The following MAPK10 variants were observed in gnomAD, a reference collection of about 807,000 sequenced individuals.
MAPK10 encodes the protein JNK3 alpha protein kinase.
A neutral mutation model predicts 59.3 loss-of-function variants in MAPK10; 25 were observed. The observed-to-expected ratio is 0.42, with a 90% CI of 0.31 to 0.59. The LOEUF (loss-of-function observed/expected upper bound fraction) is 0.59. Among genes scored for constraint, MAPK10 ranks in the 20% least tolerant of loss-of-function variants. The probability of loss-of-function intolerance (pLI) is 0.15; values close to 1 mark genes in which losing one functional copy is unlikely to be tolerated. For missense variants in MAPK10, 351 were observed against 568.9 expected (o/e 0.62, Z 3.90); for synonymous variants, 190 against 200.5 (o/e 0.95, Z 0.44).
intron 2 of MAPK10, among the ~76,000 whole-genome samples, chr4:86,244,620 T>C (rs1205469720): frequency 6.6e-6 from 1 of 152,134 alleles, no homozygotes; most frequent in African/African-American, 2.4e-5. Context: ...CAGGCTCCTG[T>C]AGGAATTGTA....
At chr4:86,087,107 G>A (rs1309719402) in intron 9 of MAPK10, among the ~76,000 whole-genome samples, 2 of 152,088 alleles carry the variant, frequency 1.3e-5, no homozygotes, top group African/African-American at 4.8e-5. Context: ...GTTAAAAAAT[G>A]ACACACGAGC....
At chr4:86,206,768 G>C (rs543771763) in intron 2 of MAPK10, among the ~76,000 whole-genome samples, 16 of 152,208 alleles carry the variant, frequency 1.1e-4, no homozygotes, top group African/African-American at 3.6e-4. Context: ...TCTCATTGTG[G>C]TTTTGATTTA....
intron 2 of MAPK10, among the ~76,000 whole-genome samples, chr4:86,228,525 T>TA (rs1172032676): frequency 3.9e-5 from 6 of 152,232 alleles, no homozygotes; most frequent in Admixed American, 3.9e-4. Context: ...TCAGTTAAGT[T>TA]ACAAATTCAT....
intron 2 of MAPK10, among the ~76,000 whole-genome samples, chr4:86,343,386 T>C (rs1726194336): frequency 6.6e-6 from 1 of 152,164 alleles, no homozygotes; most frequent in South Asian, 2.1e-4. Flanking sequence ...TGACAGGTAA[T>C]GGGTGAAAAT....
chr4:86,435,560 A>T (rs563939596), intron 1 of MAPK10, among the ~76,000 whole-genome samples: 1 of 152,188 alleles, frequency 6.6e-6, no homozygotes, highest in Non-Finnish European at 1.5e-5. Flanking sequence ...AAAAAGAATA[A>T]TTTTTTTAAA....
intron 1 of MAPK10, among the ~76,000 whole-genome samples, chr4:86,579,354 T>C (rs1388294955): frequency 6.6e-6 from 1 of 152,166 alleles, no homozygotes; most frequent in Non-Finnish European, 1.5e-5. Context: ...TAATTTCACA[T>C]GTTTCAAAAA....
intron 4 of MAPK10, among the ~76,000 whole-genome samples, chr4:86,141,740 G>A (rs1219692035): frequency 6.6e-6 from 1 of 152,118 alleles, no homozygotes; most frequent in Admixed American, 6.5e-5. Flanking sequence ...GTTTCTTTAT[G>A]TGCTAAAGGC....
chr4:86,466,029 T>C (rs1366835620), intron 1 of MAPK10, among the ~76,000 whole-genome samples: 1 of 152,248 alleles, frequency 6.6e-6, no homozygotes, highest in African/African-American at 2.4e-5. Context: ...ATTATACTTA[T>C]TGGGCATATT....
At chr4:86,172,073 A>G (rs1488200968) in intron 3 of MAPK10, among the ~76,000 whole-genome samples, 1 of 137,420 alleles carries the variant, frequency 7.3e-6, no homozygotes, top group African/African-American at 3.4e-5. Context: ...GTCAGGAAAC[A>G]ACAGGTGCTG....
intron 2 of MAPK10, among the ~76,000 whole-genome samples, chr4:86,334,910 G>A (rs1720174295): frequency 6.6e-6 from 1 of 152,052 alleles, no homozygotes; most frequent in African/African-American, 2.4e-5. Flanking sequence ...AATCTCTTGA[G>A]GACAAGACCT....
chr4:86,128,953 T>C lies in MAPK10; in HGVS notation c.237-21601A>G, dbSNP rs963407325. On this transcript the variant is annotated intron_variant, in intron 4 of 13. Transcript: ENST00000641462. The stretch of plus-strand genomic sequence containing the variant: ...GACGGCAGTATAATTCTCATTATAA[T>C]GAATAGTGTAAACAAGAAAATTCCT... Among the ~76,000 whole-genome samples, 32 of 152,122 alleles carry C rather than the reference T, an allele frequency of 2.1e-4. 1 individual carries two copies. Among genetic ancestry groups the C allele is most frequent in the Non-Finnish European group, 4.4e-5 (3 of 67,998 alleles).
intron 1 of MAPK10, among the ~76,000 whole-genome samples, chr4:86,581,738 A>T: frequency 6.8e-6 from 1 of 147,418 alleles, no homozygotes; most frequent in East Asian, 2.0e-4. Context: ...AAGTATAAGA[A>T]CTCTAAATTC....
At chr4:86,136,972 CAAG>C (rs1414007313) in intron 4 of MAPK10, among the ~76,000 whole-genome samples, 2 of 152,132 alleles carry the variant, frequency 1.3e-5, no homozygotes, top group Non-Finnish European at 2.9e-5. Context: ...ATCAATTCAA[CAAG>C]AAGAGCTAAC....
intron 11 of MAPK10, among the ~76,000 whole-genome samples, chr4:86,046,210 A>G (rs2042468425): frequency 6.6e-6 from 1 of 151,706 alleles, no homozygotes; most frequent in African/African-American, 2.4e-5. Context: ...TTGGACTGAG[A>G]TGATGGGGTT....
intron 4 of MAPK10, among the ~76,000 whole-genome samples, chr4:86,115,387 G>C (rs116517836): frequency 6.6e-6 from 1 of 152,024 alleles, no homozygotes; most frequent in East Asian, 1.9e-4. Context: ...GTCCCAGTGA[G>C]AGAACCTGGA....
chr4:86,343,487 A>AT (rs1259422859), intron 2 of MAPK10, among the ~76,000 whole-genome samples: 3 of 152,038 alleles, frequency 2.0e-5, no homozygotes, highest in Non-Finnish European at 4.4e-5. Context: ...TATTTTCTCG[A>AT]TTTTTTCAAG....
chr4:86,316,425 A>T (rs955323857), intron 2 of MAPK10, among the ~76,000 whole-genome samples: 1 of 152,186 alleles, frequency 6.6e-6, no homozygotes, highest in African/African-American at 2.4e-5. Context: ...TCATATGACT[A>T]ATAATATCTA....
chr4:86,324,723 A>G (rs771904698), intron 2 of MAPK10, among the ~76,000 whole-genome samples: 1 of 152,226 alleles, frequency 6.6e-6, no homozygotes, highest in Non-Finnish European at 1.5e-5. Flanking sequence ...TATCATAAAG[A>G]GCATTATTAA....
chr4:86,428,452 C>T (rs1301810947), intron 1 of MAPK10, among the ~76,000 whole-genome samples: 2 of 152,144 alleles, frequency 1.3e-5, no homozygotes, highest in Non-Finnish European at 2.9e-5. Flanking sequence ...AGCCATCATA[C>T]CTGGCCGTCA....
Sources: allele counts gnomAD v4.1 joint callset (sites outside exome capture counted in the v4.1 genomes callset), GRCh38; gene constraint gnomAD v4.1.1; transcripts MANE v1.5; gene names NCBI Gene and HGNC (gene_info 2026-07-23, HGNC 2026-07-21).